Variants in ARMH4 observed in about 807,000 individuals in gnomAD.
ARMH4 encodes armadillo like helical domain containing 4.
ARMH4 carries 49 observed loss-of-function variants against 61.9 expected under a neutral mutation model. That is an observed-to-expected ratio of 0.79 (90% CI 0.63 to 1.00). ARMH4 has a LOEUF of 1.00. Ranked by LOEUF, ARMH4 falls within the 50% of genes least tolerant of loss-of-function variation. The pLI is 0.00. For synonymous variants in ARMH4, 368 were observed against 341.5 expected (o/e 1.08, Z -0.85); for missense variants, 934 against 930.0 (o/e 1.00, Z -0.06).
chr14:58,035,126 C>T (rs1409090599), intron 5 of ARMH4, among the ~76,000 whole-genome samples: 1 of 147,524 alleles, frequency 6.8e-6, no homozygotes, highest in Non-Finnish European at 1.5e-5. Context: ...ACACCTATTC[C>T]AAAATTGACC....
chr14:58,072,341 G>A (rs2141229378), intron 5 of ARMH4, among the ~76,000 whole-genome samples: 1 of 152,284 alleles, frequency 6.6e-6, no homozygotes, highest in Non-Finnish European at 1.5e-5. Context: ...TGAAGGATTT[G>A]GGTTTGGGGT....
intron 5 of ARMH4, among the ~76,000 whole-genome samples, chr14:58,050,838 T>A (rs1884113144): frequency 6.6e-6 from 1 of 152,030 alleles, no homozygotes; most frequent in Non-Finnish European, 1.5e-5. Context: ...CAATTTTCCC[T>A]CCCCTCGACT....
At chr14:58,066,195 A>G (rs1408142963) in intron 5 of ARMH4, among the ~76,000 whole-genome samples, 3 of 152,226 alleles carry the variant, frequency 2.0e-5, no homozygotes, top group Non-Finnish European at 4.4e-5. Flanking sequence ...TGCCAACAGC[A>G]TGTGTGTTTA....
chr14:58,010,942 G>T (rs1882386223), intron 6 of ARMH4, among the ~76,000 whole-genome samples: 1 of 146,396 alleles, frequency 6.8e-6, no homozygotes, highest in South Asian at 2.2e-4. Flanking sequence ...AATTTTCATT[G>T]CATCATATTT....
intron 2 of ARMH4, among the ~76,000 whole-genome samples, chr14:58,137,279 C>T (rs751640384): frequency 1.3e-5 from 2 of 152,164 alleles, no homozygotes; most frequent in Admixed American, 6.6e-5. Context: ...GTTCTAACAA[C>T]TAAAAATGTC....
chr14:58,108,246 T>C (rs10782436), intron 4 of ARMH4, among the ~76,000 whole-genome samples: 60,090 of 152,032 alleles, frequency 0.4, 13,411 homozygotes, highest in Non-Finnish European at 0.51. Context: ...TTAGAATACA[T>C]AGAATTTCAT....
At chr14:58,052,447 G>A (rs550564147) in intron 5 of ARMH4, among the ~76,000 whole-genome samples, 15 of 152,018 alleles carry the variant, frequency 9.9e-5, no homozygotes, top group South Asian at 2.1e-4. Flanking sequence ...GATTCGAACT[G>A]CCTCCTGACT....
intron 4 of ARMH4, among the ~76,000 whole-genome samples, chr14:58,117,676 C>A (rs1426448231): frequency 6.6e-6 from 1 of 152,132 alleles, no homozygotes; most frequent in Non-Finnish European, 1.5e-5. Flanking sequence ...CCCTATCTTC[C>A]TCTTCAAAAT....
intron 5 of ARMH4, among the ~76,000 whole-genome samples, chr14:58,061,043 A>C (rs1336552693): frequency 6.6e-6 from 1 of 152,040 alleles, no homozygotes; most frequent in Non-Finnish European, 1.5e-5. Context: ...CCCTCAGACC[A>C]ATTTGGTGAG....
At chr14:58,026,188 A>G (rs1883012890) in intron 5 of ARMH4, among the ~76,000 whole-genome samples, 1 of 152,110 alleles carries the variant, frequency 6.6e-6, no homozygotes, top group Admixed American at 6.6e-5. Flanking sequence ...AGGGAAATAT[A>G]TGACACATAA....
intron 5 of ARMH4, among the ~76,000 whole-genome samples, chr14:58,072,578 C>T (rs990140107): frequency 3.0e-4 from 46 of 151,886 alleles, no homozygotes; most frequent in Admixed American, 2.8e-3. Context: ...AAAAATTAGC[C>T]GGGTGTGGTG....
At chr14:58,040,473 G>A (rs1173139787) in intron 5 of ARMH4, among the ~76,000 whole-genome samples, 1 of 152,094 alleles carries the variant, frequency 6.6e-6, no homozygotes, top group East Asian at 1.9e-4. Flanking sequence ...CTCCATCCAT[G>A]CTCCTGCAAA....
intron 5 of ARMH4, among the ~76,000 whole-genome samples, chr14:58,091,688 G>A (rs889515821): frequency 6.6e-6 from 1 of 152,200 alleles, no homozygotes; most frequent in African/African-American, 2.4e-5. Context: ...AGGATAAGAA[G>A]TGGTGTGGGT....
At chr14:58,040,771 T>C (rs886276445) in intron 5 of ARMH4, among the ~76,000 whole-genome samples, 2 of 152,198 alleles carry the variant, frequency 1.3e-5, no homozygotes, top group African/African-American at 2.4e-5. Context: ...TTGTTTAGGT[T>C]CTATAGGACC....
At chr14:58,049,307 G>C (rs1427622245) in intron 5 of ARMH4, among the ~76,000 whole-genome samples, 1 of 151,222 alleles carries the variant, frequency 6.6e-6, no homozygotes. Context: ...ACTGCTGCAA[G>C]ATATACTTAT....
chr14:58,138,220 A>C lies in ARMH4; in HGVS notation c.1139T>G (p.Leu380Arg). ...PEGETHTGTALLIAHGNERSP... is the reference protein window; with the variant it reads ...PEGETHTGTARLIAHGNERSP... Reference sequence around the variant, plus strand: ...TCTCTCATTCCCATGCGCTATTAGCAGGGCTGTGCCCGTGTGTGTTTCCCC... The same window carrying C: ...TCTCTCATTCCCATGCGCTATTAGCCGGGCTGTGCCCGTGTGTGTTTCCCC... The change falls in exon 2 of 8, where the codon CTG becomes CGG. Residue 380 changes from leucine (L) to arginine (R), a missense_variant. Transcript: ENST00000267485. 1 of 1,614,224 alleles carries C rather than the reference A, an allele frequency of 6.2e-7. No homozygotes were observed. The highest frequency in any genetic ancestry group is 8.5e-7 in the Non-Finnish European group (1 of 1,180,032).
At chr14:58,080,496 G>A (rs1364900142) in intron 5 of ARMH4, among the ~76,000 whole-genome samples, 1 of 152,124 alleles carries the variant, frequency 6.6e-6, no homozygotes, top group African/African-American at 2.4e-5. Context: ...CCAAACGAAT[G>A]TAGCCCTAAT....
At chr14:58,059,355 T>C (rs1042132416) in intron 5 of ARMH4, among the ~76,000 whole-genome samples, 3 of 152,246 alleles carry the variant, frequency 2.0e-5, no homozygotes, top group African/African-American at 7.2e-5. Context: ...TCAAGGCCAC[T>C]CTGCCAAACA....
chr14:58,086,913 G>A (rs1235532619), intron 5 of ARMH4, among the ~76,000 whole-genome samples: 1 of 152,140 alleles, frequency 6.6e-6, no homozygotes, highest in Non-Finnish European at 1.5e-5. Flanking sequence ...AACAATGGTA[G>A]AAAAAGTCGG....
Sources: allele counts gnomAD v4.1 joint callset (sites outside exome capture counted in the v4.1 genomes callset), GRCh38; gene constraint gnomAD v4.1.1; transcripts MANE v1.5; gene names NCBI Gene and HGNC (gene_info 2026-07-23, HGNC 2026-07-21).